Variants in DNAH10 observed in about 807,000 individuals in gnomAD.
The protein encoded by DNAH10 is dynein axonemal heavy chain 10, also known as axonemal beta dynein heavy chain 10.
DNAH10 carries 348 observed loss-of-function variants against 506.6 expected under a neutral mutation model. The observed-to-expected ratio is 0.69, with a 90% CI of 0.63 to 0.75. DNAH10 has a LOEUF of 0.75. Ranked by LOEUF, DNAH10 falls within the 30% of genes least tolerant of loss-of-function variation. The pLI is 0.00. For missense variants in DNAH10, 5,179 were observed against 5,787.1 expected, an observed-to-expected ratio of 0.89 and a Z score of 3.41; for synonymous variants, 2,059 against 2,198.6, an observed-to-expected ratio of 0.94 and a Z score of 1.78.
intron 52 of DNAH10, among the ~76,000 whole-genome samples, chr12:123,891,334 A>G (rs933955608): frequency 2.6e-5 from 4 of 152,198 alleles, no homozygotes; most frequent in African/African-American, 9.6e-5. Context: ...CAATTTCCAA[A>G]TAAAGTCACA....
At chr12:123,860,571 C>T (rs1388980360) in intron 38 of DNAH10, among the ~76,000 whole-genome samples, 1 of 152,170 alleles carries the variant, frequency 6.6e-6, no homozygotes, top group African/African-American at 2.4e-5. Context: ...ATGAAGTCAA[C>T]AGAGCAGCTG....
At chr12:123,764,435 C>G (rs1022495562) in intron 1 of DNAH10, among the ~76,000 whole-genome samples, 1 of 152,078 alleles carries the variant, frequency 6.6e-6, no homozygotes, top group East Asian at 1.9e-4. Flanking sequence ...AAAACACACT[C>G]GCAGGATTGA....
At chr12:123,792,451 C>CTTTTTT (rs78654407) in intron 11 of DNAH10, among the ~76,000 whole-genome samples, 15 of 133,500 alleles carry the variant, frequency 1.1e-4, no homozygotes, top group Non-Finnish European at 1.6e-4. Context: ...TTCCTTTGTC[C>CTTTTTT]TTTTTTTTTT....
intron 9 of DNAH10, among the ~76,000 whole-genome samples, chr12:123,786,366 G>A (rs1316376049): frequency 1.4e-5 from 2 of 144,628 alleles, no homozygotes; most frequent in Non-Finnish European, 3.0e-5. Context: ...TATATTCACA[G>A]AATTGTGCAG....
chr12:123,896,146 C>CAT (rs1953223312), intron 54 of DNAH10, among the ~76,000 whole-genome samples: 3 of 102,474 alleles, frequency 2.9e-5, no homozygotes, highest in Admixed American at 9.4e-5. Context: ...CACACACACA[C>CAT]ACAGAGAGAG....
intron 24 of DNAH10, among the ~76,000 whole-genome samples, 168 bp downstream of exon 24, chr12:123,820,926 T>A (rs1041532989): frequency 6.6e-6 from 1 of 152,192 alleles, no homozygotes. Flanking sequence ...TGCTTATGGG[T>A]ACAGGGTTTC....
At chr12:123,904,356 C>T (rs958792281) in intron 57 of DNAH10, among the ~76,000 whole-genome samples, 1 of 152,224 alleles carries the variant, frequency 6.6e-6, no homozygotes, top group Non-Finnish European at 1.5e-5. Flanking sequence ...TCAGCACACA[C>T]ATCCTCCAGG....
intron 10 of DNAH10, among the ~76,000 whole-genome samples, chr12:123,788,800 C>T (rs111786154): frequency 0.074 from 11,181 of 151,580 alleles, 611 homozygotes; most frequent in African/African-American, 0.16. Context: ...GTGGTGCACA[C>T]GTGTAGTCCC....
chr12:123,800,887 C>G (rs1565919269), intron 15 of DNAH10, among the ~76,000 whole-genome samples: 1 of 150,636 alleles, frequency 6.6e-6, no homozygotes, highest in Non-Finnish European at 1.5e-5. Flanking sequence ...CATGGTGGCT[C>G]ATGCCTGTAG....
At chr12:123,770,972 TTC>T (rs1370462974) in intron 2 of DNAH10, among the ~76,000 whole-genome samples, 1 of 91,560 alleles carries the variant, frequency 1.1e-5, no homozygotes, top group African/African-American at 5.2e-5. Flanking sequence ...CTAGCTGTAA[TTC>T]TTTTTTTTTT....
Position 123,907,690 on chromosome 12 carries a change from C to A in DNAH10, c.9816-1571C>A, listed in dbSNP as rs977418274. On this transcript the variant is annotated intron_variant, in intron 57 of 78. Transcript: ENST00000673944. This position sits in a 1 kb window ranked among gnomAD's most constrained non-coding sequence, Gnocchi z 4.4. ...CTCAGGACCCCGCCGCAGGCCTGGG[C>A]TCCTTCTGTCTTGAATCTGAAAACA... is the stretch of plus-strand genomic sequence containing the variant. 1.3e-5 allele frequency among the ~76,000 whole-genome samples: 2 copies of A among 152,222 alleles called. No homozygotes were observed. Among genetic ancestry groups the A allele is most frequent in the Non-Finnish European group, 1.5e-5 (1 of 68,040 alleles).
At chr12:123,823,793 AATTTTTATTGACT>A (rs1286947327) in intron 24 of DNAH10, among the ~76,000 whole-genome samples, 2 of 152,066 alleles carry the variant, frequency 1.3e-5, no homozygotes, top group Admixed American at 6.6e-5. Context: ...AAAAATATAC[AATTTTTATTGACT>A]ATAGTCACCC....
chr12:123,920,080 T>C (rs1436458193), intron 65 of DNAH10, among the ~76,000 whole-genome samples: 6 of 152,228 alleles, frequency 3.9e-5, no homozygotes, highest in South Asian at 2.1e-4. Flanking sequence ...CCCTAAATCA[T>C]TGATTTTTTC....
At chr12:123,837,145 C>A (rs1227170594) in intron 28 of DNAH10, among the ~76,000 whole-genome samples, 1 of 147,890 alleles carries the variant, frequency 6.8e-6, no homozygotes, top group African/African-American at 2.5e-5. Flanking sequence ...GCCACTGTGC[C>A]CAGCCGGTGA....
chr12:123,924,108 G>A (rs1954839109), intron 66 of DNAH10, 170 bp from the exon 67 acceptor site: 5 of 901,744 alleles, frequency 5.5e-6, no homozygotes, highest in Non-Finnish European at 8.1e-6. Context: ...GCTGCACTGA[G>A]CGCCTGGTTG....
At chr12:123,804,557 T>G (rs554829051) in intron 17 of DNAH10, among the ~76,000 whole-genome samples, 35 of 150,614 alleles carry the variant, frequency 2.3e-4, no homozygotes, top group African/African-American at 8.3e-4. Context: ...CTTTAAGTGG[T>G]CTTAGACTAG....
intron 13 of DNAH10, among the ~76,000 whole-genome samples, chr12:123,797,942 C>A (rs1051072323): frequency 6.6e-6 from 1 of 152,216 alleles, no homozygotes; most frequent in Non-Finnish European, 1.5e-5. Flanking sequence ...CTCAACCTGT[C>A]GTTGCTGCAA....
At chr12:123,873,225 A>G (rs1316420469) in intron 45 of DNAH10, among the ~76,000 whole-genome samples, 1 of 152,256 alleles carries the variant, frequency 6.6e-6, no homozygotes, top group African/African-American at 2.4e-5. Flanking sequence ...CAAGTGAGAA[A>G]AACGAGGCTC....
At chr12:123,866,540 C>T (rs1014690396) in intron 41 of DNAH10, among the ~76,000 whole-genome samples, 7 of 152,036 alleles carry the variant, frequency 4.6e-5, no homozygotes, top group Middle Eastern at 3.2e-3. Flanking sequence ...ACCGACACAC[C>T]GACACACTTA....
Sources: gnomAD v4.1 joint callset for allele counts (sites outside exome capture counted in the v4.1 genomes callset) on GRCh38, gnomAD v4.1.1 for gene constraint, Gnocchi (gnomAD v3.1) non-coding constraint, MANE v1.5 for transcripts, NCBI Gene and HGNC (gene_info 2026-07-23, HGNC 2026-07-21) for gene names.